Variants in GABRB1 observed in about 807,000 individuals in gnomAD.
GABRB1 encodes gamma-aminobutyric acid receptor subunit beta-1.
In GABRB1, 17 loss-of-function variants were observed where a neutral mutation model predicts 51.6. The ratio of observed to expected loss-of-function variants is 0.33; its 90% CI spans 0.23 to 0.49. The LOEUF is 0.49. Among genes scored for constraint, GABRB1 ranks in the 20% least tolerant of loss-of-function variants. GABRB1 has a pLI of 0.99. For synonymous variants in GABRB1, 247 were observed against 218.9 expected (o/e 1.13, Z -1.14); for missense variants, 410 against 600.6 (o/e 0.68, Z 3.32).
intron 4 of GABRB1, among the ~76,000 whole-genome samples, chr4:47,260,465 C>G (rs1347119644): frequency 6.6e-6 from 1 of 152,098 alleles, no homozygotes; most frequent in African/African-American, 2.4e-5. Flanking sequence ...TGGCTGGTAC[C>G]AGTTGTTCCT....
chr4:47,391,649 A>G (rs1727996144), intron 5 of GABRB1, among the ~76,000 whole-genome samples: 1 of 152,218 alleles, frequency 6.6e-6, no homozygotes, highest in Non-Finnish European at 1.5e-5. Flanking sequence ...TGGTGCCCAG[A>G]CTTACCTGTA....
intron 5 of GABRB1, among the ~76,000 whole-genome samples, chr4:47,402,579 A>G (rs1226572856): frequency 6.6e-6 from 1 of 152,176 alleles, no homozygotes; most frequent in African/African-American, 2.4e-5. Context: ...TGAGAAGAGG[A>G]AGAGATTAGG....
intron 5 of GABRB1, among the ~76,000 whole-genome samples, chr4:47,388,100 C>T (rs74591927): frequency 0.032 from 4,820 of 152,018 alleles, 273 homozygotes; most frequent in African/African-American, 0.11. Context: ...GGGTCTTAAA[C>T]GGATTATTGG....
At chr4:47,106,154 A>T (rs1328642343) in intron 3 of GABRB1, among the ~76,000 whole-genome samples, 1 of 152,112 alleles carries the variant, frequency 6.6e-6, no homozygotes, top group Non-Finnish European at 1.5e-5. Context: ...ACGTAAAAAT[A>T]GGTTTTTATT....
intron 4 of GABRB1, among the ~76,000 whole-genome samples, chr4:47,291,982 G>T (rs950368226): frequency 6.6e-6 from 1 of 152,202 alleles, no homozygotes; most frequent in African/African-American, 2.4e-5. Context: ...AGGCATGATT[G>T]GTTTTGAATT....
intron 5 of GABRB1, among the ~76,000 whole-genome samples, chr4:47,338,725 A>AC (rs776553392): frequency 6.0e-4 from 91 of 152,346 alleles, no homozygotes; most frequent in Non-Finnish European, 9.1e-4. Context: ...ATGATTGCTC[A>AC]GCCCGCTTGG....
intron 4 of GABRB1, among the ~76,000 whole-genome samples, chr4:47,193,350 G>C (rs188222805): frequency 6.6e-6 from 1 of 152,120 alleles, no homozygotes; most frequent in African/African-American, 2.4e-5. Flanking sequence ...TGGAACTCCC[G>C]AACTCAGGTG....
At chr4:47,246,166 T>C (rs1339458200) in intron 4 of GABRB1, among the ~76,000 whole-genome samples, 4 of 148,822 alleles carry the variant, frequency 2.7e-5, no homozygotes, top group Admixed American at 6.8e-5. Context: ...ACACACAATG[T>C]TTAGTTTTCC....
At chr4:47,395,248 A>G (rs1379918671) in intron 5 of GABRB1, among the ~76,000 whole-genome samples, 1 of 152,200 alleles carries the variant, frequency 6.6e-6, no homozygotes, top group Non-Finnish European at 1.5e-5. Context: ...CACAGGCTAT[A>G]CAAAGGCTTG....
chr4:47,175,137 C>T (rs1718623584), intron 4 of GABRB1, among the ~76,000 whole-genome samples: 1 of 144,970 alleles, frequency 6.9e-6, no homozygotes, highest in South Asian at 2.2e-4. Flanking sequence ...TCCTTCCTTT[C>T]TTCTTTCCTC....
chr4:47,350,174 G>T (rs1726257362), intron 5 of GABRB1, among the ~76,000 whole-genome samples: 2 of 128,998 alleles, frequency 1.6e-5, no homozygotes, highest in South Asian at 2.6e-4. Flanking sequence ...ATTTCCTCTT[G>T]GGCTCAGATT....
At chr4:47,343,491 C>T (rs1415666834) in intron 5 of GABRB1, among the ~76,000 whole-genome samples, 1 of 152,084 alleles carries the variant, frequency 6.6e-6, no homozygotes, top group Non-Finnish European at 1.5e-5. Context: ...CCAATGAATT[C>T]AGTAAGTGAA....
intron 3 of GABRB1, among the ~76,000 whole-genome samples, chr4:47,062,729 G>A (rs528444304): frequency 1.5e-4 from 23 of 152,158 alleles, no homozygotes; most frequent in Non-Finnish European, 2.5e-4. Flanking sequence ...TAAACAAGGC[G>A]TCCTTAAGCA....
intron 3 of GABRB1, among the ~76,000 whole-genome samples, chr4:47,070,334 C>G (rs1292020221): frequency 2.0e-5 from 3 of 151,686 alleles, no homozygotes; most frequent in Admixed American, 1.3e-4. Flanking sequence ...CCGTGCCCAG[C>G]CTTCTTTTTT....
At chr4:47,143,508 A>G (rs780044175) in intron 3 of GABRB1, among the ~76,000 whole-genome samples, 4 of 151,894 alleles carry the variant, frequency 2.6e-5, no homozygotes, top group African/African-American at 7.2e-5. Context: ...AACCACAGAG[A>G]TAAAAGACTG....
chr4:47,039,704 T>A (rs571355577), intron 3 of GABRB1, among the ~76,000 whole-genome samples: 1 of 152,256 alleles, frequency 6.6e-6, no homozygotes, highest in African/African-American at 2.4e-5. Flanking sequence ...GAAGTTCTTC[T>A]CATTTGCAGC....
chr4:47,231,992 C>G (rs1286483961), intron 4 of GABRB1, among the ~76,000 whole-genome samples: 3 of 152,034 alleles, frequency 2.0e-5, no homozygotes, highest in Non-Finnish European at 4.4e-5. Flanking sequence ...CAAAATTGCC[C>G]ATGAAGTAGT....
intron 4 of GABRB1, among the ~76,000 whole-genome samples, chr4:47,187,434 T>A (rs980788450): frequency 6.6e-6 from 1 of 151,930 alleles, no homozygotes; most frequent in Non-Finnish European, 1.5e-5. Flanking sequence ...TCAAATTGCT[T>A]GTCCTTGTTT....
intron 5 of GABRB1, among the ~76,000 whole-genome samples, chr4:47,337,612 C>A (rs1725744608): frequency 6.6e-6 from 1 of 151,766 alleles, no homozygotes; most frequent in Non-Finnish European, 1.5e-5. Flanking sequence ...CGAGACCAAC[C>A]TGGCAAGCAG....
Sources: allele counts gnomAD v4.1 joint callset (sites outside exome capture counted in the v4.1 genomes callset), GRCh38; gene constraint gnomAD v4.1.1; transcripts MANE v1.5; gene names NCBI Gene and HGNC (gene_info 2026-07-23, HGNC 2026-07-21).